The following AMBRA1 variants were observed in gnomAD, a reference collection of about 807,000 sequenced individuals.
AMBRA1 encodes activating molecule in BECN1-regulated autophagy protein 1.
AMBRA1 carries 47 observed loss-of-function variants against 125.4 expected under a neutral mutation model. The observed-to-expected ratio is 0.37, with a 90% CI of 0.30 to 0.48. The LOEUF is 0.48. Ranked by LOEUF, AMBRA1 falls within the 20% of genes least tolerant of loss-of-function variation. The pLI, the probability that AMBRA1 is intolerant of heterozygous loss-of-function variation, is 0.99. For missense variants in AMBRA1, 1,331 were observed against 1,693.4 expected (o/e 0.79, Z 3.76); for synonymous variants, 626 against 655.5 (o/e 0.95, Z 0.69).
At chr11:46,432,521 T>G (rs939151855) in intron 14 of AMBRA1, among the ~76,000 whole-genome samples, 1 of 152,182 alleles carries the variant, frequency 6.6e-6, no homozygotes, top group African/African-American at 2.4e-5. Context: ...ATGGGTGCTA[T>G]CTCTAGTTTT....
rs929340096 is a variant in AMBRA1, at chr11:46,441,204, T to A, written c.2632+2284A>T. Reference sequence around the variant, plus strand: ...AAAATTGAATAGAAACAAATACAAATCTGTTTTCGTTATTAAAAGATAAGC... The same window carrying A: ...AAAATTGAATAGAAACAAATACAAAACTGTTTTCGTTATTAAAAGATAAGC... On this transcript the variant is annotated intron_variant, in intron 12 of 17. Coordinates refer to ENST00000683756, the MANE Select transcript of AMBRA1 (RefSeq NM_001387011.1). Among the ~76,000 whole-genome samples, 23 of 152,068 alleles carry A rather than the reference T, an allele frequency of 1.5e-4. 1 individual carries two copies. The highest frequency in any genetic ancestry group is 9.7e-4 in the East Asian group (5 of 5,176).
At chr11:46,501,207 T>C (rs1950824571) in intron 9 of AMBRA1, among the ~76,000 whole-genome samples, 1 of 152,232 alleles carries the variant, frequency 6.6e-6, no homozygotes, top group East Asian at 1.9e-4. Context: ...AAAAATCAAT[T>C]CCTGGCCATG....
chr11:46,527,762 C>T (rs1952040357), intron 7 of AMBRA1, among the ~76,000 whole-genome samples: 1 of 151,894 alleles, frequency 6.6e-6, no homozygotes. Context: ...TATCGCCTCA[C>T]ACCTGTTAGG....
chr11:46,444,125 G>A (rs1948159748), intron 11 of AMBRA1, among the ~76,000 whole-genome samples: 1 of 152,158 alleles, frequency 6.6e-6, no homozygotes, highest in East Asian at 1.9e-4. Flanking sequence ...CTATACAGCT[G>A]ATTGGATAGA....
At chr11:46,527,928 C>T (rs942695230) in intron 7 of AMBRA1, among the ~76,000 whole-genome samples, 6 of 152,110 alleles carry the variant, frequency 3.9e-5, no homozygotes, top group African/African-American at 9.7e-5. Flanking sequence ...AATAGAACTA[C>T]CATATGTCCA....
intron 11 of AMBRA1, among the ~76,000 whole-genome samples, chr11:46,460,190 C>T (rs1949038765): frequency 6.6e-6 from 1 of 152,268 alleles, no homozygotes; most frequent in South Asian, 2.1e-4. Context: ...ACAAGACATA[C>T]GAATGACTAT....
chr11:46,483,761 G>A (rs1950164600), intron 11 of AMBRA1, among the ~76,000 whole-genome samples: 2 of 152,110 alleles, frequency 1.3e-5, no homozygotes, highest in South Asian at 2.1e-4. Flanking sequence ...TTAGCTGGGC[G>A]TGGTGGTGTA....
chr11:46,471,460 C>G (rs1421451194), intron 11 of AMBRA1, among the ~76,000 whole-genome samples: 1 of 151,612 alleles, frequency 6.6e-6, no homozygotes, highest in African/African-American at 2.4e-5. Context: ...CGCCTGCAGT[C>G]CCAGCTACTC....
At chr11:46,512,693 C>T (rs774923936) in intron 8 of AMBRA1, 34 bp downstream of exon 8, 1 of 1,598,936 alleles carries the variant, frequency 6.3e-7, no homozygotes, top group Non-Finnish European at 8.6e-7. Flanking sequence ...CCGCCCCTCC[C>T]CCCACCTAGT....
chr11:46,557,565 G>C (rs1280934898), intron 1 of AMBRA1, among the ~76,000 whole-genome samples: 1 of 152,106 alleles, frequency 6.6e-6, no homozygotes, highest in Non-Finnish European at 1.5e-5. Context: ...CCCTGCCCTG[G>C]GAGGTTGAGG....
intron 11 of AMBRA1, among the ~76,000 whole-genome samples, chr11:46,448,257 A>G (rs1948407386): frequency 6.6e-6 from 1 of 152,268 alleles, no homozygotes; most frequent in South Asian, 2.1e-4. Flanking sequence ...TACATATTAC[A>G]CTTGCAGACT....
chr11:46,441,733 T>G (rs1948018235), intron 12 of AMBRA1, among the ~76,000 whole-genome samples: 1 of 151,872 alleles, frequency 6.6e-6, no homozygotes, highest in Non-Finnish European at 1.5e-5. Context: ...CCACTGAAAG[T>G]TAAAAGGAAA....
intron 11 of AMBRA1, among the ~76,000 whole-genome samples, chr11:46,459,067 T>A (rs901165582): frequency 1.3e-5 from 2 of 152,068 alleles, no homozygotes; most frequent in Non-Finnish European, 2.9e-5. Context: ...GGGAAGAAAA[T>A]AGGTGACCAA....
intron 7 of AMBRA1, among the ~76,000 whole-genome samples, chr11:46,539,544 C>T (rs139101370): frequency 0.018 from 2,811 of 152,008 alleles, 38 homozygotes; most frequent in Non-Finnish European, 0.027. Context: ...GCAACAAGAG[C>T]GAAACTCCAT....
intron 11 of AMBRA1, among the ~76,000 whole-genome samples, chr11:46,454,108 T>C (rs992000194): frequency 2.0e-5 from 3 of 152,084 alleles, no homozygotes; most frequent in Non-Finnish European, 2.9e-5. Flanking sequence ...AATATAGCAA[T>C]GATAGTCTGA....
Position 46,513,124 on chromosome 11 carries a change from G to A in AMBRA1, c.2073-311C>T, listed in dbSNP as rs553090404. On this transcript the variant is annotated intron_variant, in intron 7 of 17. Coordinates refer to ENST00000683756, the MANE Select transcript of AMBRA1 (RefSeq NM_001387011.1). ...CCTCCAGTAGACAAATAGAAGGTTC[G>A]GATCAACACAGGAGTGAAAAATTAG... 1.7e-4 allele frequency among the ~76,000 whole-genome samples: 26 copies of A among 152,016 alleles called. No homozygotes were observed. In the East Asian group the frequency reaches 1.7e-3, roughly 10 times the overall value.
At chr11:46,460,926 T>C (rs1449280396) in intron 11 of AMBRA1, among the ~76,000 whole-genome samples, 1 of 152,046 alleles carries the variant, frequency 6.6e-6, no homozygotes, top group Non-Finnish European at 1.5e-5. Flanking sequence ...ATCTCAAAAA[T>C]AAATAAATGA....
chr11:46,590,912 CAA>C (rs554383816), intron 1 of AMBRA1, among the ~76,000 whole-genome samples: 20 of 76,660 alleles, frequency 2.6e-4, no homozygotes, highest in South Asian at 4.1e-4. Flanking sequence ...GACTCCATCT[CAA>C]AAAAAAAAAA....
In AMBRA1 at chr11:46,475,224, T is replaced by C. The variant is rs570985363; in HGVS notation, c.2521+18384A>G. Reference sequence around the variant, plus strand: ...TACCTATAACTTGGAATGCAAAGTATTAATTATGAATAAGAGAAGAATTCA... The same window carrying C: ...TACCTATAACTTGGAATGCAAAGTACTAATTATGAATAAGAGAAGAATTCA... On this transcript the variant is annotated intron_variant, in intron 11 of 17. Transcript: ENST00000683756. Among the ~76,000 whole-genome samples the C allele has an allele frequency of 5.9e-5, 9 of 152,342 alleles. No homozygotes were observed. The East Asian group carries it at 1.5e-3, about 26-fold the overall frequency.
Sources: allele counts gnomAD v4.1 joint callset (sites outside exome capture counted in the v4.1 genomes callset), GRCh38; gene constraint gnomAD v4.1.1; transcripts MANE v1.5; gene names NCBI Gene and HGNC (gene_info 2026-07-23, HGNC 2026-07-21).